Variants in ATP11A observed in about 807,000 individuals in gnomAD.
The protein encoded by ATP11A is ATPase phospholipid transporting 11A.
ATP11A carries 81 observed loss-of-function variants against 154.4 expected under a neutral mutation model. The observed-to-expected ratio is 0.52, with a 90% confidence interval of 0.44 to 0.63. The LOEUF (loss-of-function observed/expected upper bound fraction) is 0.63. Among genes scored for constraint, ATP11A ranks in the 30% least tolerant of loss-of-function variants. The pLI is 0.00. For missense variants in ATP11A, 1,316 were observed against 1,474.3 expected, an observed-to-expected ratio of 0.89 and a Z score of 1.76; for synonymous variants, 623 against 585.9, an observed-to-expected ratio of 1.06 and a Z score of -0.91.
At chr13:112,851,528 C>CTT in intron 18 of ATP11A, 1 of 210,788 alleles carries the variant, frequency 4.7e-6, no homozygotes. Flanking sequence ...ATTCTTTCTT[C>CTT]TTTTTTTTTA....
chr13:112,761,593 TCG>T (rs2076964210), intron 1 of ATP11A, among the ~76,000 whole-genome samples: 4 of 148,134 alleles, frequency 2.7e-5, no homozygotes, highest in South Asian at 2.2e-4. Flanking sequence ...AAAGGGGACA[TCG>T]TGCACATAGG....
At chr13:112,752,576 C>T (rs1322688063) in intron 1 of ATP11A, among the ~76,000 whole-genome samples, 13 of 152,176 alleles carry the variant, frequency 8.5e-5, no homozygotes, top group Admixed American at 2.6e-4. Flanking sequence ...AATACGCGTC[C>T]GTCTGACGGG....
chr13:112,848,757 G>A (rs1202891910), intron 17 of ATP11A, among the ~76,000 whole-genome samples: 4 of 152,144 alleles, frequency 2.6e-5, no homozygotes, highest in East Asian at 1.9e-4. Context: ...GCACGATCTC[G>A]GCTCACTGCA....
chr13:112,838,824 T>C lies in ATP11A; in HGVS notation c.1705+2573T>C, dbSNP rs1368190212. On this transcript the variant is annotated intron_variant, in intron 16 of 29. Coordinates refer to ENST00000375645, the MANE Select transcript of ATP11A (RefSeq NM_015205.3). The surrounding 1 kb of genome is among the most constrained non-coding windows in gnomAD (Gnocchi z 7.3). The stretch of plus-strand genomic sequence containing the variant: ...CTCATCAGTTACTTTTAAGAGAAGT[T>C]TGAATATGTAATTAAGCAAGGTGTT... Among the ~76,000 whole-genome samples, 2 of 152,160 alleles carry C rather than the reference T, an allele frequency of 1.3e-5. No individual in the cohort carries two copies. Among genetic ancestry groups the C allele is most frequent in the African/African-American group, 4.8e-5 (2 of 41,448 alleles).
chr13:112,803,609 G>C (rs940744089), intron 2 of ATP11A, among the ~76,000 whole-genome samples: 1 of 152,132 alleles, frequency 6.6e-6, no homozygotes, highest in Admixed American at 6.5e-5. Flanking sequence ...CAACACAGAA[G>C]TTGAATGAAA....
intron 26 of ATP11A, 36 bp from the exon 27 acceptor site, chr13:112,873,537 T>C: frequency 1.3e-6 from 2 of 1,508,380 alleles, no homozygotes; most frequent in Non-Finnish European, 1.8e-6. Context: ...ACTGCTCAGA[T>C]GACACCGTTA....
chr13:112,837,531 G>T (rs564282448), intron 16 of ATP11A, among the ~76,000 whole-genome samples: 18 of 152,290 alleles, frequency 1.2e-4, no homozygotes, highest in African/African-American at 3.8e-4. Context: ...ATCCTGTGCC[G>T]TTCAGAGCCC....
chr13:112,813,406 A>G (rs2078559300), intron 5 of ATP11A, among the ~76,000 whole-genome samples: 1 of 152,104 alleles, frequency 6.6e-6, no homozygotes, highest in South Asian at 2.1e-4. Context: ...CAGGCAGTCT[A>G]ATTCCCTCGG....
intron 1 of ATP11A, among the ~76,000 whole-genome samples, chr13:112,707,742 T>C (rs1483141638): frequency 6.6e-6 from 1 of 152,188 alleles, no homozygotes; most frequent in East Asian, 1.9e-4. Flanking sequence ...CTCGATCAGA[T>C]TGTAACGTGC....
At chr13:112,855,029 C>T (rs1193092612) in intron 19 of ATP11A, among the ~76,000 whole-genome samples, 1 of 152,178 alleles carries the variant, frequency 6.6e-6, no homozygotes, top group Middle Eastern at 3.2e-3. Flanking sequence ...GTGTTAGATG[C>T]ATTATCTGAG....
rs374012298 is a variant in ATP11A at position 112,859,608 on chromosome 13, G to A, written c.2727+156G>A. On this transcript the variant is annotated intron_variant, in intron 23 of 29. Transcript: ENST00000375645. The surrounding 1 kb of genome is among the most constrained non-coding windows in gnomAD (Gnocchi z 4.3). ...CAGCAGCAGGCGGGGGTGAAGGGTCGGGCCTGGGGAGGGGGGCCACGGAGC... is the reference window on the plus strand; with the variant it reads ...CAGCAGCAGGCGGGGGTGAAGGGTCAGGCCTGGGGAGGGGGGCCACGGAGC... Among the ~76,000 whole-genome samples the A allele has an allele frequency of 3.9e-5, 6 of 152,246 alleles. No individual in the cohort carries two copies. The highest frequency in any genetic ancestry group is 1.9e-4 in the East Asian group (1 of 5,164).
intron 1 of ATP11A, among the ~76,000 whole-genome samples, chr13:112,691,481 A>G (rs201329410): frequency 0.12 from 11,075 of 89,690 alleles, 432 homozygotes; most frequent in Non-Finnish European, 0.15. Context: ...AAAAAAAAAA[A>G]GGGTGTGTGT....
At position 112,862,453 on chromosome 13, in the gene ATP11A, A is replaced by G; in HGVS notation, c.2869A>G (p.Asn957Asp). ...DPTLYRDVAKNALLRWRVFIY... is the reference protein window; with the variant it reads ...DPTLYRDVAKDALLRWRVFIY... ...TCTCCTCACCAGGGACGTCGCCAAG[A>G]ATGCCCTGCTGCGCTGGCGCGTGTT... The change falls in exon 25 of 30, where the codon AAT becomes GAT. Residue 957 changes from asparagine (N) to aspartate (D), a missense_variant. Physicochemically the swap from Asn to Asp is conservative, Grantham distance 23. Around this residue, in one of 5 missense-constraint regions of ATP11A, gnomAD observed 294 missense variants for 290.2 expected, o/e 1.01. Transcript: ENST00000375645. The G allele has an allele frequency of 6.2e-7, 1 of 1,613,870 alleles. No homozygotes were observed. Among genetic ancestry groups the G allele is most frequent in the South Asian group, 1.1e-5 (1 of 91,048 alleles).
chr13:112,699,581 A>G (rs961435490), intron 1 of ATP11A, among the ~76,000 whole-genome samples: 2 of 152,206 alleles, frequency 1.3e-5, no homozygotes, highest in East Asian at 3.8e-4. Context: ...TTTATGTGCA[A>G]ACGTTTTAAC....
Position 112,806,287 on chromosome 13 carries a change from C to G in ATP11A, c.327C>G (p.Ile109Met), listed in dbSNP as rs1375337970. The G allele has an allele frequency of 6.2e-7, 1 of 1,612,244 alleles. No homozygotes were observed. Among genetic ancestry groups the G allele is most frequent in the African/African-American group, 1.3e-5 (1 of 74,904 alleles). The change falls in exon 4 of 30, where the codon ATC becomes ATG. Residue 109 changes from isoleucine to methionine, a missense_variant. Ile to Met is a conservative substitution (Grantham distance 10). Coordinates refer to ENST00000375645, the MANE Select transcript of ATP11A (RefSeq NM_015205.3). Reference sequence around the variant, plus strand: ...TCTTTGTCATTACTGTGACGGCTATCAAACAGGTAAGCATTTTACAGACGA... The same window carrying G: ...TCTTTGTCATTACTGTGACGGCTATGAAACAGGTAAGCATTTTACAGACGA... Reference protein sequence around the residue: ...PLFFVITVTAIKQGYEDWLRH... With the variant: ...PLFFVITVTAMKQGYEDWLRH...
intron 6 of ATP11A, among the ~76,000 whole-genome samples, chr13:112,817,017 A>T (rs1359223572): frequency 6.6e-6 from 1 of 152,244 alleles, no homozygotes; most frequent in Non-Finnish European, 1.5e-5. Context: ...TTCTGAAATT[A>T]CTACATAAGT....
intron 1 of ATP11A, among the ~76,000 whole-genome samples, chr13:112,701,749 C>T (rs1886567687): frequency 6.6e-6 from 1 of 152,052 alleles, no homozygotes; most frequent in South Asian, 2.1e-4. Flanking sequence ...AGGAGAATGG[C>T]GTGAACTGGG....
chr13:112,848,908 G>A (rs2079683247), intron 17 of ATP11A, among the ~76,000 whole-genome samples: 1 of 152,188 alleles, frequency 6.6e-6, no homozygotes, highest in South Asian at 2.1e-4. Context: ...GTCTGGTCTT[G>A]AATTCCTGAC....
intron 1 of ATP11A, among the ~76,000 whole-genome samples, chr13:112,712,779 G>A (rs1260291256): frequency 6.6e-6 from 1 of 152,166 alleles, no homozygotes; most frequent in African/African-American, 2.4e-5. Flanking sequence ...ATGTCCACTG[G>A]AAAAAATAAA....
Sources: gnomAD v4.1 joint callset for allele counts (sites outside exome capture counted in the v4.1 genomes callset) on GRCh38, gnomAD v4.1.1 for gene constraint, gnomAD v4.1.1 regional missense constraint, Gnocchi (gnomAD v3.1) non-coding constraint, MANE v1.5 for transcripts, NCBI Gene and HGNC (gene_info 2026-07-23, HGNC 2026-07-21) for gene names.